The following HMCN1 variants were observed in gnomAD, a reference collection of about 807,000 sequenced individuals.
HMCN1 encodes the protein hemicentin-1.
Under a neutral mutation model 625.9 loss-of-function variants are expected in HMCN1, and 321 were observed. That is an observed-to-expected ratio of 0.51 (90% CI 0.47 to 0.56). The LOEUF is 0.56. Ranked by LOEUF, HMCN1 falls within the 20% of genes least tolerant of loss-of-function variation. The probability of loss-of-function intolerance (pLI) is 0.00; values close to 1 mark genes in which losing one functional copy is unlikely to be tolerated. For missense variants in HMCN1, 6,588 were observed against 6,887.3 expected (o/e 0.96, Z 1.54); for synonymous variants, 2,425 against 2,417.6 (o/e 1.00, Z -0.09).
chr1:186,157,116 G>A (rs1010338421), intron 97 of HMCN1, among the ~76,000 whole-genome samples: 2 of 152,084 alleles, frequency 1.3e-5, no homozygotes, highest in Non-Finnish European at 1.5e-5. Flanking sequence ...AGTCAAGCTT[G>A]GCAATTATCA....
intron 68 of HMCN1, among the ~76,000 whole-genome samples, chr1:186,098,319 C>T (rs1219617145): frequency 4.0e-5 from 6 of 151,794 alleles, no homozygotes; most frequent in Admixed American, 1.3e-4. Context: ...GGTTAATATC[C>T]GATATATGTA....
intron 1 of HMCN1, among the ~76,000 whole-genome samples, chr1:185,742,715 GAATGCAATGCACTAA>G (rs1345774692): frequency 6.6e-6 from 1 of 152,156 alleles, no homozygotes; most frequent in Non-Finnish European, 1.5e-5. Flanking sequence ...AAATTCAGCT[GAATGCAATGCACTAA>G]AATTTAAGAG....
chr1:185,890,163 T>G (rs1230152022), intron 4 of HMCN1, among the ~76,000 whole-genome samples: 1 of 150,928 alleles, frequency 6.6e-6, no homozygotes, highest in African/African-American at 2.5e-5. Flanking sequence ...GACATCCCCT[T>G]TATCATTTTT....
At position 186,189,757 on chromosome 1, in the gene HMCN1, C is replaced by T; in HGVS notation, c.16787C>T (p.Pro5596Leu). The T allele has an allele frequency of 2.5e-6, 4 of 1,613,636 alleles. No homozygotes were observed. Among genetic ancestry groups the T allele is most frequent in the Non-Finnish European group, 3.4e-6 (4 of 1,179,796 alleles). Reference protein sequence around the residue: ...NLKGVVYTTRPLREAETYRMR... With the variant: ...NLKGVVYTTRLLREAETYRMR... ...AAAGGAGTGGTGTATACAACACGAC[C>T]ACTACGAGAAGCAGAGACCTACCGC... The change falls in exon 107 of 107, where the codon CCA (proline) becomes CTA (leucine). Residue 5596 changes from proline (P) to leucine (L), a missense_variant. This residue lies in a region of HMCN1 where 1,954 missense variants were observed against 2,013.1 expected (regional missense o/e 0.97). Transcript: ENST00000271588.
chr1:186,100,668 A>G (rs11801342), intron 68 of HMCN1, among the ~76,000 whole-genome samples: 5,182 of 152,268 alleles, frequency 0.034, 305 homozygotes, highest in African/African-American at 0.12. Context: ...ACAAGAATGG[A>G]TTCCGAGAGA....
At chr1:186,063,100 A>ATATATATATATATGTATG (rs1339291276) in intron 48 of HMCN1, among the ~76,000 whole-genome samples, 2 of 127,802 alleles carry the variant, frequency 1.6e-5, no homozygotes, top group African/African-American at 6.0e-5. Flanking sequence ...ATATATATAT[A>ATATATATATATATGTATG]TATCACATTT....
intron 63 of HMCN1, among the ~76,000 whole-genome samples, chr1:186,089,019 A>G (rs1659690785): frequency 6.6e-6 from 1 of 151,936 alleles, no homozygotes; most frequent in Admixed American, 6.6e-5. Flanking sequence ...TTATCTTTCT[A>G]TAGTATATAT....
In HMCN1 at chr1:186,166,285, G is replaced by A. The variant is rs886045689; in HGVS notation, c.15421G>A (p.Asp5141Asn). 15 of 1,614,066 alleles carry A rather than the reference G, an allele frequency of 9.3e-6. No homozygotes were observed. Among genetic ancestry groups the A allele is most frequent in the Non-Finnish European group, 1.3e-5 (15 of 1,180,022 alleles). Residue 5141 changes from aspartate (D) to asparagine (N), a missense_variant, in exon 99 of 107, where the codon GAT (aspartate) becomes AAT (asparagine). This residue lies in a region of HMCN1 where 1,954 missense variants were observed against 2,013.1 expected (regional missense o/e 0.97). Coordinates refer to ENST00000271588, the MANE Select transcript of HMCN1 (RefSeq NM_031935.3). ...SCPKGLTIAA[D>N]GRTCQDIDEC... Reference sequence around the variant, plus strand: ...CCCTAAAGGCCTCACCATAGCTGCAGATGGAAGAACTTGTCAAGGTATTCA... The same window carrying A: ...CCCTAAAGGCCTCACCATAGCTGCAAATGGAAGAACTTGTCAAGGTATTCA...
chr1:186,166,214 G>A lies in HMCN1; in HGVS notation c.15350G>A (p.Cys5117Tyr). The change falls in exon 99 of 107, where the codon TGC becomes TAC. Residue 5117 changes from cysteine to tyrosine, a missense_variant. This residue lies in a region of HMCN1 where 1,954 missense variants were observed against 2,013.1 expected (regional missense o/e 0.97). Coordinates refer to ENST00000271588, the MANE Select transcript of HMCN1 (RefSeq NM_031935.3). ...GATGAATGTGCAGCAGGGAATCCCT[G>A]CTCCCATAGCTGCCACAATGCCATG... ...DEDECAAGNP[C>Y]SHSCHNAMGT... is the part of the protein sequence containing the mutation. The A allele has an allele frequency of 6.2e-7, 1 of 1,614,108 alleles. No homozygotes were observed. The highest frequency in any genetic ancestry group is 8.5e-7 in the Non-Finnish European group (1 of 1,180,008).
chr1:185,841,092 A>G (rs1231156308), intron 1 of HMCN1, among the ~76,000 whole-genome samples: 1 of 152,168 alleles, frequency 6.6e-6, no homozygotes, highest in Non-Finnish European at 1.5e-5. Flanking sequence ...ATTTTTTTCC[A>G]TTATTTTCTT....
intron 1 of HMCN1, among the ~76,000 whole-genome samples, chr1:185,777,679 C>T (rs1246518380): frequency 2.6e-5 from 4 of 152,104 alleles, no homozygotes; most frequent in Non-Finnish European, 5.9e-5. Context: ...CTCGATCTCT[C>T]GACCTGGTGA....
chr1:186,134,713 A>C (rs1422292686), intron 86 of HMCN1, among the ~76,000 whole-genome samples: 1 of 152,160 alleles, frequency 6.6e-6, no homozygotes, highest in Admixed American at 6.6e-5. Flanking sequence ...TTTGTATTCT[A>C]TTTATTCTAG....
intron 46 of HMCN1, among the ~76,000 whole-genome samples, chr1:186,061,363 C>T (rs1657685602): frequency 6.6e-6 from 1 of 152,002 alleles, no homozygotes; most frequent in African/African-American, 2.4e-5. Flanking sequence ...GATCTTATGG[C>T]AACTCACTCA....
intron 23 of HMCN1, 98 bp downstream of exon 23, chr1:185,993,407 T>C: frequency 2.2e-6 from 3 of 1,383,132 alleles, no homozygotes; most frequent in Non-Finnish European, 3.0e-6. Context: ...AAATTGTATA[T>C]AGAGTGATTA....
rs1184365645 is a variant in HMCN1 at position 186,052,925 on chromosome 1, A to G, written c.6578-27A>G. ...TGAGAATTCTATATGAAATGAGTGG[A>G]AAAATCATATTTTTATTTTTTTCTA... On this transcript the variant is annotated intron_variant, in intron 42 of 106. Coordinates refer to ENST00000271588, the MANE Select transcript of HMCN1 (RefSeq NM_031935.3). 5 of 1,575,876 alleles carry G rather than the reference A, an allele frequency of 3.2e-6. No homozygotes were observed. In the South Asian group the frequency reaches 4.4e-5, roughly 14 times the overall value.
At chr1:186,147,064 C>A (rs1487447165) in intron 93 of HMCN1, among the ~76,000 whole-genome samples, 1 of 152,156 alleles carries the variant, frequency 6.6e-6, no homozygotes, top group African/African-American at 2.4e-5. Flanking sequence ...GCCTACCGGG[C>A]CTTGACTGGC....
chr1:185,924,822 A>G (rs1667192152), intron 8 of HMCN1, among the ~76,000 whole-genome samples: 1 of 152,186 alleles, frequency 6.6e-6, no homozygotes. Flanking sequence ...CTTAGATTCA[A>G]TGAATACTGT....
chr1:185,798,705 T>A (rs2102218868), intron 1 of HMCN1, among the ~76,000 whole-genome samples: 1 of 152,162 alleles, frequency 6.6e-6, no homozygotes, highest in East Asian at 1.9e-4. Flanking sequence ...CTTCAATGAA[T>A]TTTTCATTTC....
At chr1:186,074,597 A>G (rs1325326498) in intron 52 of HMCN1, 144 bp from the exon 53 acceptor site, 2 of 710,380 alleles carry the variant, frequency 2.8e-6, no homozygotes, top group African/African-American at 3.6e-5. Context: ...TAAATCAATT[A>G]TTTTGATTAA....
Sources: allele counts gnomAD v4.1 joint callset (sites outside exome capture counted in the v4.1 genomes callset), GRCh38; gene constraint gnomAD v4.1.1; regional missense constraint gnomAD v4.1.1; transcripts MANE v1.5; gene names NCBI Gene and HGNC (gene_info 2026-07-23, HGNC 2026-07-21).